ZNF804B: variants seen among roughly 807,000 people sequenced by gnomAD.
ZNF804B encodes zinc finger 804B.
A neutral mutation model predicts 101.4 loss-of-function variants in ZNF804B; 80 were observed. That is an observed-to-expected ratio of 0.79 (90% CI 0.66 to 0.95). The LOEUF (loss-of-function observed/expected upper bound fraction) is 0.95. ZNF804B is among the 40% of genes least tolerant of loss of function. ZNF804B has a pLI of 0.00. For missense variants in ZNF804B, 1,673 were observed against 1,561.9 expected (o/e 1.07, Z -1.20); for synonymous variants, 622 against 558.8 (o/e 1.11, Z -1.59).
chr7:89,058,922 G>A (rs756325932), intron 1 of ZNF804B, among the ~76,000 whole-genome samples: 9 of 150,300 alleles, frequency 6.0e-5, no homozygotes, highest in Non-Finnish European at 1.2e-4. Flanking sequence ...TCTAACTCCT[G>A]CGTTCAAGTG....
intron 2 of ZNF804B, among the ~76,000 whole-genome samples, chr7:89,260,206 G>A (rs1006727055): frequency 3.0e-4 from 46 of 152,092 alleles, no homozygotes; most frequent in African/African-American, 1.1e-3. Context: ...ATCGTTCTGG[G>A]GTTAGCAGCT....
chr7:89,051,363 A>G (rs934985693), intron 1 of ZNF804B, among the ~76,000 whole-genome samples: 3 of 152,186 alleles, frequency 2.0e-5, no homozygotes, highest in African/African-American at 7.2e-5. Flanking sequence ...AATTGATACT[A>G]TTACCAAGTG....
intron 1 of ZNF804B, among the ~76,000 whole-genome samples, chr7:88,818,992 T>C (rs2115754176): frequency 6.6e-6 from 1 of 152,306 alleles, no homozygotes; most frequent in East Asian, 1.9e-4. Context: ...TCATACAGCT[T>C]TCAATGTCAA....
At chr7:88,944,272 T>G (rs1793095107) in intron 1 of ZNF804B, among the ~76,000 whole-genome samples, 1 of 151,794 alleles carries the variant, frequency 6.6e-6, no homozygotes. Flanking sequence ...GAATTGCCAT[T>G]AAAAAATTAA....
chr7:88,964,558 A>G (rs2116097194), intron 1 of ZNF804B, among the ~76,000 whole-genome samples: 1 of 151,540 alleles, frequency 6.6e-6, no homozygotes, highest in Admixed American at 6.6e-5. Flanking sequence ...TTATGCATAC[A>G]GAGTTTCAAT....
At chr7:89,124,991 C>T (rs1391950025) in intron 1 of ZNF804B, among the ~76,000 whole-genome samples, 7 of 150,302 alleles carry the variant, frequency 4.7e-5, no homozygotes, top group South Asian at 4.2e-4. Context: ...TGTGATTGAC[C>T]GTCACTCTCC....
rs181475667 is a variant in ZNF804B at position 88,818,322 on chromosome 7, G to A, written c.108+58238G>A. ...CTCGAGTTGGCATAAAGTCATTGCT[G>A]ATAAATTAGGGATTATCCTAATTAA... On this transcript the variant is annotated intron_variant, in intron 1 of 3. Coordinates refer to ENST00000333190, the MANE Select transcript of ZNF804B (RefSeq NM_181646.5). 1.6e-4 allele frequency among the ~76,000 whole-genome samples: 25 copies of A among 152,152 alleles called. No individual in the cohort carries two copies. The East Asian group carries it at 4.2e-3, about 26-fold the overall frequency.
At chr7:88,865,205 G>A (rs1321801298) in intron 1 of ZNF804B, among the ~76,000 whole-genome samples, 2 of 138,558 alleles carry the variant, frequency 1.4e-5, no homozygotes, top group Non-Finnish European at 3.0e-5. Context: ...TCCAGCCTGA[G>A]CAACAAGAGC....
intron 1 of ZNF804B, among the ~76,000 whole-genome samples, chr7:88,862,826 T>C (rs1038195407): frequency 2.6e-5 from 4 of 152,168 alleles, no homozygotes; most frequent in African/African-American, 4.8e-5. Context: ...ACACTAATTA[T>C]ACTATTCACT....
rs565516963 is a variant in ZNF804B, at chr7:88,955,883, GA to G, written c.108+195802del. On this transcript the variant is annotated intron_variant, in intron 1 of 3. Transcript: ENST00000333190. ...AGGGACTAATATCCAGAATATACGA[GA>G]AACTCAAAGGCAAAAAAAAATTAAT... Among the ~76,000 whole-genome samples, 216 of 151,336 alleles carry G rather than the reference GA, an allele frequency of 1.4e-3. 1 individual carries two copies. The highest frequency in any genetic ancestry group is 3.6e-3 in the Admixed American group (54 of 15,152).
intron 1 of ZNF804B, among the ~76,000 whole-genome samples, chr7:88,780,634 A>G (rs1790211901): frequency 1.3e-5 from 2 of 151,954 alleles, no homozygotes; most frequent in Non-Finnish European, 2.9e-5. Flanking sequence ...CGATCCGCCC[A>G]CTTCAGCCTC....
intron 1 of ZNF804B, among the ~76,000 whole-genome samples, chr7:89,034,402 C>A (rs919546308): frequency 1.3e-5 from 2 of 151,968 alleles, no homozygotes; most frequent in South Asian, 4.1e-4. Flanking sequence ...CCTCCCCTAG[C>A]CCCCTACCCC....
At chr7:89,091,859 C>T (rs770056244) in intron 1 of ZNF804B, among the ~76,000 whole-genome samples, 1 of 152,066 alleles carries the variant, frequency 6.6e-6, no homozygotes, top group Non-Finnish European at 1.5e-5. Flanking sequence ...TATTCAGAGT[C>T]TTGTTTTACC....
At chr7:88,914,512 C>G (rs1353574468) in intron 1 of ZNF804B, among the ~76,000 whole-genome samples, 1 of 152,142 alleles carries the variant, frequency 6.6e-6, no homozygotes, top group Non-Finnish European at 1.5e-5. Flanking sequence ...TGATCATTCC[C>G]TCGCGTATTT....
chr7:88,772,724 AC>A (rs1790086868), intron 1 of ZNF804B, among the ~76,000 whole-genome samples: 1 of 152,178 alleles, frequency 6.6e-6, no homozygotes, highest in Non-Finnish European at 1.5e-5. Flanking sequence ...CAAGGAAAGA[AC>A]TGCAAACTCA....
At chr7:89,132,782 G>A (rs569559165) in intron 1 of ZNF804B, among the ~76,000 whole-genome samples, 17 of 152,112 alleles carry the variant, frequency 1.1e-4, no homozygotes, top group African/African-American at 4.1e-4. Flanking sequence ...TGTAACAATA[G>A]CAAATGCCAC....
At chr7:89,087,854 C>A (rs1789829252) in intron 1 of ZNF804B, among the ~76,000 whole-genome samples, 1 of 151,678 alleles carries the variant, frequency 6.6e-6, no homozygotes, top group Non-Finnish European at 1.5e-5. Context: ...CTCTTCTTGG[C>A]CAAAGCTAAA....
chr7:89,279,646 G>C (rs1430841964), intron 2 of ZNF804B, among the ~76,000 whole-genome samples: 3 of 152,086 alleles, frequency 2.0e-5, no homozygotes, highest in African/African-American at 7.2e-5. Context: ...TTATATGCTG[G>C]ATTACGTTTA....
At chr7:89,332,264 A>C (rs1025725454) in intron 3 of ZNF804B, among the ~76,000 whole-genome samples, 1 of 151,798 alleles carries the variant, frequency 6.6e-6, no homozygotes, top group Admixed American at 6.6e-5. Context: ...AAGAATGGTA[A>C]AAGAAACCAA....
Sources: gnomAD v4.1 joint callset for allele counts (sites outside exome capture counted in the v4.1 genomes callset) on GRCh38, gnomAD v4.1.1 for gene constraint, MANE v1.5 for transcripts, NCBI Gene and HGNC (gene_info 2026-07-23, HGNC 2026-07-21) for gene names.